SMAD2: variants seen among roughly 807,000 people sequenced by gnomAD.
The protein encoded by SMAD2 is MAD homolog 2.
In SMAD2, 8 loss-of-function variants were observed where a neutral mutation model predicts 64.4. That is an observed-to-expected ratio of 0.12 (90% CI 0.07 to 0.22). The LOEUF is 0.22. Among genes scored for constraint, SMAD2 ranks in the 10% least tolerant of loss-of-function variants. The pLI is 1.00. For synonymous variants in SMAD2, 203 were observed against 195.8 expected (o/e 1.04, Z -0.31); for missense variants, 289 against 561.2 (o/e 0.51, Z 4.90).
rs566722463 is a variant in SMAD2 at position 47,819,614 on chromosome 18, G to C, written c.*22213C>G. The C allele has an allele frequency of 3.3e-5, 5 of 152,256 alleles. No individual in the cohort carries two copies. The East Asian group carries it at 7.7e-4, about 24-fold the overall frequency. The allele number at this position is 152,256 out of a possible 1,614,324, so 9.4% of individuals were successfully genotyped here. A position where few individuals can be genotyped will look rare whatever the true frequency, so the allele number is the denominator to read the frequency against. On this transcript the variant is annotated 3_prime_UTR_variant, in exon 11 of 11. Coordinates refer to ENST00000262160, the MANE Select transcript of SMAD2 (RefSeq NM_005901.6). ...ACGAGGTCAGGAGATCGAGATCACG[G>C]TGAAACCTCGTCTCTACTAAAAATA...
rs988342487 is a variant in SMAD2 at position 47,835,401 on chromosome 18, T to C, written c.*6426A>G. The stretch of plus-strand genomic sequence containing the variant: ...TCCACATTCTTAAAGCAGGAACCTA[T>C]ATTCACCAGAAAAGGATCCTCCTGT... On this transcript the variant is annotated 3_prime_UTR_variant, in exon 11 of 11. Transcript: ENST00000262160. 7 of 202,716 alleles carry C rather than the reference T, an allele frequency of 3.5e-5. No homozygotes were observed. The highest frequency in any genetic ancestry group is 1.8e-4 in the Admixed American group (3 of 16,706). 12.6% of individuals were successfully genotyped at this position (202,716 alleles called of 1,614,324 possible).
intron 1 of SMAD2, among the ~76,000 whole-genome samples, chr18:47,897,164 A>G (rs913484542): frequency 6.6e-6 from 1 of 152,166 alleles, no homozygotes; most frequent in African/African-American, 2.4e-5. Context: ...ACTTCACTCT[A>G]ATCTCAAAAG....
intron 2 of SMAD2, among the ~76,000 whole-genome samples, chr18:47,876,682 G>A (rs2032281973): frequency 6.6e-6 from 1 of 151,934 alleles, no homozygotes; most frequent in African/African-American, 2.4e-5. Context: ...AATTTCCCTA[G>A]TAATAACTTT....
chr18:47,899,676 A>G (rs1055996738), intron 1 of SMAD2, among the ~76,000 whole-genome samples: 1 of 152,212 alleles, frequency 6.6e-6, no homozygotes, highest in Non-Finnish European at 1.5e-5. Context: ...TATACAATCA[A>G]CAGAGCTATC....
intron 2 of SMAD2, among the ~76,000 whole-genome samples, chr18:47,882,066 T>TTTTTTTTTTTTTTTG: frequency 7.2e-6 from 1 of 139,506 alleles, no homozygotes; most frequent in African/African-American, 2.6e-5. Flanking sequence ...TTTTTTTTTT[T>TTTTTTTTTTTTTTTG]TGTGGAGACA....
intron 2 of SMAD2, among the ~76,000 whole-genome samples, chr18:47,887,280 C>G (rs2032962385): frequency 6.6e-6 from 1 of 152,220 alleles, no homozygotes; most frequent in Non-Finnish European, 1.5e-5. Context: ...CAAAATCTTA[C>G]TATCTCATTA....
chr18:47,924,127 A>C (rs534042493), intron 1 of SMAD2, among the ~76,000 whole-genome samples: 1 of 152,022 alleles, frequency 6.6e-6, no homozygotes, highest in Non-Finnish European at 1.5e-5. Flanking sequence ...GCATGCCTGT[A>C]ATCCTAGCTA....
intron 1 of SMAD2, among the ~76,000 whole-genome samples, chr18:47,920,470 G>A (rs1487587475): frequency 6.6e-6 from 1 of 152,164 alleles, no homozygotes; most frequent in African/African-American, 2.4e-5. Flanking sequence ...TCAATTTCAA[G>A]AGCTCAATAG....
rs1451234916 is a variant in SMAD2, at chr18:47,824,764, AT to A, written c.*17062del. The A allele has an allele frequency of 2.6e-5, 4 of 152,220 alleles. No individual in the cohort carries two copies. The highest frequency in any genetic ancestry group is 9.6e-5 in the African/African-American group (4 of 41,460). 9.4% of individuals were successfully genotyped at this position (152,220 alleles called of 1,614,324 possible). A position where few individuals can be genotyped will look rare whatever the true frequency, so the allele number is the denominator to read the frequency against. Reference sequence around the variant, plus strand: ...AAAAAACATAAAAAGTATGTCGAACATTTTTAATTTCAAACACCAAACTTAA... The same window carrying A: ...AAAAAACATAAAAAGTATGTCGAACATTTTAATTTCAAACACCAAACTTAA... On this transcript the variant is annotated 3_prime_UTR_variant, in exon 11 of 11. Coordinates refer to ENST00000262160, the MANE Select transcript of SMAD2 (RefSeq NM_005901.6).
At chr18:47,850,400 A>ATG (rs1915171098) in intron 7 of SMAD2, among the ~76,000 whole-genome samples, 1 of 24,358 alleles carries the variant, frequency 4.1e-5, no homozygotes, top group African/African-American at 1.9e-4. Flanking sequence ...TATATATTAT[A>ATG]TATTATGTAT....
At chr18:47,893,936 T>C (rs1018893039) in intron 2 of SMAD2, among the ~76,000 whole-genome samples, 1 of 152,200 alleles carries the variant, frequency 6.6e-6, no homozygotes, top group Non-Finnish European at 1.5e-5. Context: ...CAATTATCAC[T>C]TCAACTTCAT....
intron 1 of SMAD2, among the ~76,000 whole-genome samples, chr18:47,919,514 AC>A (rs1568116962): frequency 3.8e-4 from 53 of 139,464 alleles, no homozygotes; most frequent in Non-Finnish European, 6.2e-4. Context: ...ACACACACAC[AC>A]ACACAAAGAA....
chr18:47,867,563 T>C (rs900620822), intron 5 of SMAD2, among the ~76,000 whole-genome samples: 2 of 151,470 alleles, frequency 1.3e-5, no homozygotes, highest in East Asian at 3.9e-4. Context: ...AGCTTAATCC[T>C]CATCCTAACA....
intron 8 of SMAD2, among the ~76,000 whole-genome samples, chr18:47,847,700 CAAAAAA>C (rs58794971): frequency 0.02 from 2,228 of 111,818 alleles, 45 homozygotes; most frequent in African/African-American, 0.077. Flanking sequence ...ATTTCCAAAG[CAAAAAA>C]AAAAAAAAAA....
intron 8 of SMAD2, among the ~76,000 whole-genome samples, chr18:47,847,754 T>G (rs1431201164): frequency 2.0e-5 from 3 of 150,892 alleles, no homozygotes; most frequent in Admixed American, 2.0e-4. Context: ...TCATGTCTAG[T>G]GTAACAGAAT....
chr18:47,893,755 C>G (rs901836714), intron 2 of SMAD2, among the ~76,000 whole-genome samples: 2 of 152,088 alleles, frequency 1.3e-5, no homozygotes, highest in Admixed American at 6.6e-5. Flanking sequence ...TAAAAACAAG[C>G]TTTATAAAAT....
intron 1 of SMAD2, among the ~76,000 whole-genome samples, chr18:47,915,934 G>C (rs561698806): frequency 2.0e-5 from 3 of 152,240 alleles, no homozygotes; most frequent in African/African-American, 7.2e-5. Flanking sequence ...ACACCCTTTT[G>C]AAAGTTCTCT....
At position 47,821,848 on chromosome 18, in the gene SMAD2, T is replaced by C. The variant is rs1912586167; in HGVS notation, c.*19979A>G. 1 of 152,232 alleles carries C rather than the reference T, an allele frequency of 6.6e-6. No individual in the cohort carries two copies. The highest frequency in any genetic ancestry group is 2.4e-5 in the African/African-American group (1 of 41,472). The allele number at this position is 152,232 out of a possible 1,614,324, so 9.4% of individuals were successfully genotyped here. On this transcript the variant is annotated 3_prime_UTR_variant, in exon 11 of 11. Coordinates refer to ENST00000262160, the MANE Select transcript of SMAD2 (RefSeq NM_005901.6). ...TGCATTGCTTCTTAAGTCTTTTGAT[T>C]ATCATTCTTGTTAAATATTTTATAG...
chr18:47,851,364 C>T, intron 6 of SMAD2, 37 bp from the exon 7 acceptor site: 1 of 1,385,084 alleles, frequency 7.2e-7, no homozygotes, highest in Non-Finnish European at 1.0e-6. Context: ...TGAAGTATTT[C>T]CAGAACTTCT....
Sources: gnomAD v4.1 joint callset for allele counts (sites outside exome capture counted in the v4.1 genomes callset) on GRCh38, gnomAD v4.1.1 for gene constraint, MANE v1.5 for transcripts, NCBI Gene and HGNC (gene_info 2026-07-23, HGNC 2026-07-21) for gene names.